The following CDK20 variants were observed in gnomAD, a reference collection of about 807,000 sequenced individuals.
CDK20 encodes cyclin-dependent kinase 20.
CDK20 carries 40 observed loss-of-function variants against 38.6 expected under a neutral mutation model. The observed-to-expected ratio is 1.04, with a 90% confidence interval of 0.81 to 1.35. The LOEUF (loss-of-function observed/expected upper bound fraction) is 1.35. Ranked by LOEUF, CDK20 falls within the 40% of genes most tolerant of loss-of-function variation. The pLI is 0.00. For missense variants in CDK20, 512 were observed against 452.6 expected (o/e 1.13, Z -1.19); for synonymous variants, 209 against 185.7 (o/e 1.13, Z -1.02).
At position 87,967,600 on chromosome 9, in the gene CDK20, C is replaced by T. The variant is rs1364459273; in HGVS notation, c.903G>A (p.Pro301=). ...CAGGTCCCCCTAGACGCTGAGGAAT[C>T]GGCAGCTCAGATGGATGGGCAGGCA... ...APLPAHPSEL[P]IPQRLGGPAP... The change falls in exon 8 of 8, where the codon CCG becomes CCA. Residue 301 remains proline, a synonymous_variant. Coordinates refer to ENST00000325303, the MANE Select transcript of CDK20 (RefSeq NM_001039803.3). The T allele has an allele frequency of 1.1e-5, 17 of 1,524,332 alleles. No individual in the cohort carries two copies. Among genetic ancestry groups the T allele is most frequent in the African/African-American group, 2.8e-5 (2 of 72,502 alleles). The allele number at this position is 1,524,332 out of a possible 1,614,324, so 94.4% of individuals were successfully genotyped here. A position where few individuals can be genotyped will look rare whatever the true frequency, so the allele number is the denominator to read the frequency against.
At chr9:87,969,977 C>T in intron 5 of CDK20, 58 bp from the exon 6 acceptor site, 3 of 1,506,460 alleles carry the variant, frequency 2.0e-6, no homozygotes, top group Non-Finnish European at 2.7e-6. Flanking sequence ...CACAGACCCA[C>T]CCACAGAGCA....
At chr9:87,969,714 G>A in intron 6 of CDK20, 82 bp downstream of exon 6, 1 of 1,593,550 alleles carries the variant, frequency 6.3e-7, no homozygotes, top group Non-Finnish European at 8.6e-7. Context: ...GAGAGAGAAG[G>A]TTCAGGGGAG....
chr9:87,970,237 G>A (rs1487681180), intron 5 of CDK20: 4 of 444,280 alleles, frequency 9.0e-6, no homozygotes, highest in Non-Finnish European at 1.6e-5. Context: ...GAGCTTTCAT[G>A]TCCAAGGACA....
rs760540412 is a variant in CDK20, at chr9:87,971,302, C to T, written c.223G>A (p.Gly75Arg). The change falls in exon 3 of 8, where the codon GGA becomes AGA. Residue 75 changes from glycine to arginine, a missense_variant. Coordinates refer to ENST00000325303, the MANE Select transcript of CDK20 (RefSeq NM_001039803.3). Reference sequence around the variant, plus strand: ...AACTCAAAGGCCAGCACAAAGCCTCCACCGTGTGGGAACACAGCCTTCAGT... The same window carrying T: ...AACTCAAAGGCCAGCACAAAGCCTCTACCGTGTGGGAACACAGCCTTCAGT... ...VQLKAVFPHGGGFVLAFEFML... is the reference protein window; with the variant it reads ...VQLKAVFPHGRGFVLAFEFML... 3 of 1,613,820 alleles carry T rather than the reference C, an allele frequency of 1.9e-6. No individual in the cohort carries two copies. The East Asian group carries it at 6.7e-5, about 36-fold the overall frequency.
rs377436671 is a variant in CDK20, at chr9:87,973,903, C to T, written c.189+19G>A. The T allele has an allele frequency of 1.1e-5, 18 of 1,600,166 alleles. No homozygotes were observed. In the African/African-American group the frequency reaches 2.2e-4, roughly 20 times the overall value. ...AGCGACTGAGGGTGAGAATACCATG[C>T]CCCCCCTCCCCTACTCACATACTGA... On this transcript the variant is annotated intron_variant, in intron 2 of 7. Transcript: ENST00000325303.
intron 2 of CDK20, among the ~76,000 whole-genome samples, chr9:87,971,800 A>T (rs1829878755): frequency 6.6e-6 from 1 of 152,228 alleles, no homozygotes; most frequent in Non-Finnish European, 1.5e-5. Context: ...GGCTACACAG[A>T]GAGTGAGCTG....
In CDK20 at chr9:87,970,595, C is replaced by G. The variant is rs565837414; in HGVS notation, c.536G>C (p.Arg179Pro). 3.7e-6 allele frequency: 6 copies of G among 1,613,934 alleles called. No individual in the cohort carries two copies. The highest frequency in any genetic ancestry group is 1.7e-5 in the Admixed American group (1 of 59,990). ...CAGATCGACGCCCTGGTCATACTGG[C>G]GGGCACCATACAGGAGCTCGGGGGC... ...YRAPELLYGA[R>P]QYDQGVDLWS... The change falls in exon 5 of 8, where the codon CGC becomes CCC. Residue 179 changes from arginine (R) to proline (P), a missense_variant. Arg to Pro is a moderately radical substitution (Grantham distance 103, BLOSUM62 -2). Coordinates refer to ENST00000325303, the MANE Select transcript of CDK20 (RefSeq NM_001039803.3).
Position 87,966,770 on chromosome 9 carries a change from C to G in CDK20, c.*692G>C, listed in dbSNP as rs1316052503. 7 of 319,780 alleles carry G rather than the reference C, an allele frequency of 2.2e-5. No individual in the cohort carries two copies. Among genetic ancestry groups the G allele is most frequent in the Non-Finnish European group, 1.2e-5 (2 of 162,336 alleles). The allele number at this position is 319,780 out of a possible 1,614,324, so 19.8% of individuals were successfully genotyped here. A position where few individuals can be genotyped will look rare whatever the true frequency, so the allele number is the denominator to read the frequency against. On this transcript the variant is annotated 3_prime_UTR_variant, in exon 8 of 8. Transcript: ENST00000325303. ...TCTCCTGCTGGATCCCCAACTGGAG[C>G]CATCCCTGGGCCTAGACTTCTGTCT...
chr9:87,967,690 GA>G, intron 7 of CDK20, 31 bp from the exon 8 acceptor site: 8 of 1,451,698 alleles, frequency 5.5e-6, no homozygotes, highest in Non-Finnish European at 7.3e-6. Flanking sequence ...ACAGCAGAAG[GA>G]AACTAGTCAC....
chr9:87,969,532 C>A (rs932046263), intron 6 of CDK20, 183 bp from the exon 7 acceptor site: 4 of 788,488 alleles, frequency 5.1e-6, no homozygotes, highest in Non-Finnish European at 8.0e-6. Flanking sequence ...ATCCCCTTGC[C>A]CTCTCAGATG....
intron 3 of CDK20, 80 bp downstream of exon 3, chr9:87,971,067 A>T: frequency 6.6e-7 from 1 of 1,525,330 alleles, no homozygotes; most frequent in Non-Finnish European, 8.9e-7. Flanking sequence ...ACTTCTTATC[A>T]CACCTTTTAC....
rs1332515110 is a variant in CDK20 at position 87,970,837 on chromosome 9, C to T, written c.439G>A (p.Gly147Ser). Reference sequence around the variant, plus strand: ...TCTGGGGAAAAGACTCGAGCCAGGCCAAAGTCCGCTATCTTGAGCTGGCCT... The same window carrying T: ...TCTGGGGAAAAGACTCGAGCCAGGCTAAAGTCCGCTATCTTGAGCTGGCCT... ...ASGQLKIADF[G>S]LARVFSPDGS... Residue 147 changes from glycine (G) to serine (S), a missense_variant, in exon 4 of 8, where the codon GGC becomes AGC. Coordinates refer to ENST00000325303, the MANE Select transcript of CDK20 (RefSeq NM_001039803.3). 2.5e-6 allele frequency: 4 copies of T among 1,614,178 alleles called. No homozygotes were observed. The highest frequency in any genetic ancestry group is 3.4e-6 in the Non-Finnish European group (4 of 1,180,038).
At chr9:87,972,628 G>C (rs1465764495) in intron 2 of CDK20, among the ~76,000 whole-genome samples, 1 of 152,198 alleles carries the variant, frequency 6.6e-6, no homozygotes, top group African/African-American at 2.4e-5. Flanking sequence ...TTTTGACAAA[G>C]CCCTCCGGAC....
chr9:87,974,175 CTGGGACCCAGCCGCTGGGGTA>C, intron 1 of CDK20, 140 bp from the exon 2 acceptor site: 2 of 1,446,774 alleles, frequency 1.4e-6, no homozygotes, highest in Non-Finnish European at 1.9e-6. Context: ...TAGGACTAGC[CTGGGACCCAGCCGCTGGGGTA>C]GGGGACCAAG....
At position 87,966,707 on chromosome 9, in the gene CDK20, G is replaced by A. The variant is rs954019476; in HGVS notation, c.*755C>T. 1.6e-5 allele frequency: 4 copies of A among 243,600 alleles called. No individual in the cohort carries two copies. The highest frequency in any genetic ancestry group is 2.5e-5 in the Non-Finnish European group (3 of 122,064). 15.1% of individuals were successfully genotyped at this position (243,600 alleles called of 1,614,324 possible). A position where few individuals can be genotyped will look rare whatever the true frequency, so the allele number is the denominator to read the frequency against. The stretch of plus-strand genomic sequence containing the variant: ...GCTTCTGGCTCACGCTCATCCTGAG[G>A]GAGTAGATGTTGGTAAACCAGCCTC... On this transcript the variant is annotated 3_prime_UTR_variant, in exon 8 of 8. Coordinates refer to ENST00000325303, the MANE Select transcript of CDK20 (RefSeq NM_001039803.3).
chr9:87,967,882 TAAAC>T (rs1412391449), intron 7 of CDK20: 2 of 505,736 alleles, frequency 4.0e-6, no homozygotes, highest in East Asian at 3.1e-5. Flanking sequence ...TGGGGGGTAA[TAAAC>T]AAGATGAAGT....
At chr9:87,973,233 G>T (rs1424835486) in intron 2 of CDK20, among the ~76,000 whole-genome samples, 1 of 152,166 alleles carries the variant, frequency 6.6e-6, no homozygotes, top group Non-Finnish European at 1.5e-5. Flanking sequence ...GACACTAGGG[G>T]TGAAAGATGC....
intron 2 of CDK20, among the ~76,000 whole-genome samples, chr9:87,972,385 A>C (rs1315082256): frequency 6.6e-6 from 1 of 152,118 alleles, no homozygotes; most frequent in Non-Finnish European, 1.5e-5. Flanking sequence ...GCACAGAAGG[A>C]GGCTAGAGGG....
rs761872568 is a variant in CDK20 at position 87,970,785 on chromosome 9, A to AC, written c.490dup (p.Val164GlyfsTer19). On this transcript the variant is annotated frameshift_variant, in exon 4 of 8. Transcript: ENST00000325303. LOFTEE classifies it high-confidence loss of function. ...ATCTGGCCCTCCCTACCTGGTGGCC[A>AC]CCTGGTGTGTGTAGAGGCGGCTGCC... The AC allele has an allele frequency of 1.9e-6, 3 of 1,614,136 alleles. No homozygotes were observed. The highest frequency in any genetic ancestry group is 2.5e-6 in the Non-Finnish European group (3 of 1,180,012).
Sources: allele counts gnomAD v4.1 joint callset (sites outside exome capture counted in the v4.1 genomes callset), GRCh38; gene constraint gnomAD v4.1.1; transcripts MANE v1.5; gene names NCBI Gene and HGNC (gene_info 2026-07-23, HGNC 2026-07-21).